The following SYT14 variants were observed in gnomAD, a reference collection of about 807,000 sequenced individuals.
The protein encoded by SYT14 is synaptotagmin-14.
In SYT14, 32 loss-of-function variants were observed where a neutral mutation model predicts 74.2. The ratio of observed to expected loss-of-function variants is 0.43; its 90% CI spans 0.33 to 0.58. The LOEUF (loss-of-function observed/expected upper bound fraction) is 0.58. Among genes scored for constraint, SYT14 ranks in the 20% least tolerant of loss-of-function variants. The pLI is 0.05. For missense variants in SYT14, 791 were observed against 981.8 expected (o/e 0.81, Z 2.60); for synonymous variants, 298 against 337.7 (o/e 0.88, Z 1.29).
At chr1:210,087,533 T>A (rs765853811) in intron 5 of SYT14, among the ~76,000 whole-genome samples, 3 of 152,170 alleles carry the variant, frequency 2.0e-5, no homozygotes, top group Non-Finnish European at 4.4e-5. Context: ...AGCTTCCTTA[T>A]CCTGCCAAGG....
intron 5 of SYT14, among the ~76,000 whole-genome samples, chr1:210,035,936 G>A (rs988560432): frequency 7.2e-5 from 11 of 151,968 alleles, no homozygotes; most frequent in Admixed American, 2.0e-4. Context: ...TTCTAATTCC[G>A]TGAAAAACGA....
At chr1:209,942,911 T>C (rs531414701) in intron 1 of SYT14, among the ~76,000 whole-genome samples, 1 of 152,286 alleles carries the variant, frequency 6.6e-6, no homozygotes, top group South Asian at 2.1e-4. Context: ...TATGTGTGTG[T>C]TTGTATATGT....
In SYT14 at chr1:210,130,315, A is replaced by T. The variant is rs1029500137; in HGVS notation, c.2035-25406A>T. Among the ~76,000 whole-genome samples, 3 of 152,252 alleles carry T rather than the reference A, an allele frequency of 2.0e-5. No individual in the cohort carries two copies. In the East Asian group the frequency reaches 5.8e-4, roughly 29 times the overall value. ...CTTAGTACATTTTGAGAGCAGAAAAAAACAAAAAACATTTTAAGATGGATT... is the reference window on the plus strand; with the variant it reads ...CTTAGTACATTTTGAGAGCAGAAAATAACAAAAAACATTTTAAGATGGATT... On this transcript the variant is annotated intron_variant, in intron 7 of 9. Coordinates refer to ENST00000637265, the Ensembl canonical transcript of SYT14.
intron 6 of SYT14, 135 bp from the exon 6 acceptor site, chr1:210,099,877 T>G: frequency 1.1e-6 from 1 of 869,770 alleles, no homozygotes; most frequent in Non-Finnish European, 1.8e-6. Flanking sequence ...TGTAGTTGAC[T>G]GTTAATTATT....
chr1:210,114,155 G>T (rs955941328), intron 7 of SYT14, among the ~76,000 whole-genome samples: 4 of 151,474 alleles, frequency 2.6e-5, no homozygotes. Context: ...GGGAGTGGCT[G>T]CCAGGCAAGC....
In SYT14 at chr1:210,083,203, G is replaced by A. The variant is rs144598365; in HGVS notation, c.1313-11119G>A. Among the ~76,000 whole-genome samples the A allele has an allele frequency of 1.4e-3, 210 of 152,200 alleles. 1 individual carries two copies. The highest frequency in any genetic ancestry group is 4.6e-3 in the African/African-American group (191 of 41,520). ...GATAGGGCCTCACTATCTTGGCCAG[G>A]CTGGTCTCAAACTCCTAACCTCAAG... On this transcript the variant is annotated intron_variant, in intron 5 of 9. Coordinates refer to ENST00000637265, the Ensembl canonical transcript of SYT14.
intron 5 of SYT14, among the ~76,000 whole-genome samples, chr1:210,063,412 C>T (rs2081241071): frequency 6.6e-6 from 1 of 151,498 alleles, no homozygotes; most frequent in Non-Finnish European, 1.5e-5. Context: ...TATTGTGTTC[C>T]AATTAATTTC....
chr1:210,124,751 C>A (rs2082532774), intron 7 of SYT14, among the ~76,000 whole-genome samples: 1 of 152,126 alleles, frequency 6.6e-6, no homozygotes, highest in African/African-American at 2.4e-5. Flanking sequence ...TATTTAATCC[C>A]CATTTTACAG....
chr1:210,154,405 C>G (rs2083228365), intron 7 of SYT14, among the ~76,000 whole-genome samples: 1 of 152,096 alleles, frequency 6.6e-6, no homozygotes, highest in Non-Finnish European at 1.5e-5. Flanking sequence ...TACATCCTGT[C>G]CATGGAAAAA....
chr1:210,156,005 A>G (rs2083261513), intron 8 of SYT14, 95 bp downstream of exon 7: 1 of 1,096,834 alleles, frequency 9.1e-7, no homozygotes, highest in Non-Finnish European at 1.4e-6. Flanking sequence ...GTCTTAACCA[A>G]TCAAAATGAA....
chr1:210,074,779 C>G (rs2081459842), intron 5 of SYT14, among the ~76,000 whole-genome samples: 1 of 152,186 alleles, frequency 6.6e-6, no homozygotes, highest in Non-Finnish European at 1.5e-5. Flanking sequence ...AGCATACAGA[C>G]TGGCAGGCTG....
At chr1:210,017,138 C>G in intron 4 of SYT14, 2 of 1,093,976 alleles carry the variant, frequency 1.8e-6, no homozygotes, top group Non-Finnish European at 2.2e-6. Flanking sequence ...ATTAAATTTT[C>G]TCTTGATTTT....
chr1:210,163,711 A>G (rs2083419388), exon 10 of SYT14: 1 of 453,538 alleles, frequency 2.2e-6, no homozygotes, highest in Non-Finnish European at 4.4e-6. Context: ...ATTACTCCCA[A>G]AAAGTTGTCT....
chr1:210,036,033 C>G (rs1004440664), intron 5 of SYT14, among the ~76,000 whole-genome samples: 1 of 151,928 alleles, frequency 6.6e-6, no homozygotes, highest in African/African-American at 2.4e-5. Flanking sequence ...CTTCCAATCC[C>G]TGAGCATGGG....
intron 8 of SYT14, 52 bp downstream of exon 7, chr1:210,155,962 T>C: frequency 6.5e-7 from 1 of 1,538,366 alleles, no homozygotes. Flanking sequence ...CTTTTGGGAC[T>C]CTCAGTATTA....
chr1:210,060,866 C>T (rs1216890477), intron 5 of SYT14, among the ~76,000 whole-genome samples: 1 of 151,966 alleles, frequency 6.6e-6, no homozygotes, highest in Admixed American at 6.6e-5. Context: ...TTACAGAATA[C>T]TTGGTGAATA....
intron 2 of SYT14, among the ~76,000 whole-genome samples, chr1:209,966,542 A>G (rs1013706141): frequency 2.6e-5 from 4 of 152,208 alleles, no homozygotes; most frequent in Non-Finnish European, 4.4e-5. Context: ...TTTTCAGTGT[A>G]TAAGTCTTAA....
intron 5 of SYT14, among the ~76,000 whole-genome samples, chr1:210,065,720 C>T (rs2081283084): frequency 6.6e-6 from 1 of 151,488 alleles, no homozygotes; most frequent in African/African-American, 2.4e-5. Flanking sequence ...ATTTGAAATA[C>T]TTTTTTAAAT....
intron 2 of SYT14, among the ~76,000 whole-genome samples, chr1:209,977,096 G>T (rs1471766864): frequency 1.3e-5 from 2 of 151,974 alleles, no homozygotes; most frequent in Non-Finnish European, 2.9e-5. Context: ...GAGCCTATGT[G>T]TGTCTCTGCA....
Sources: gnomAD v4.1 joint callset for allele counts (sites outside exome capture counted in the v4.1 genomes callset) on GRCh38, gnomAD v4.1.1 for gene constraint, MANE v1.5 for transcripts, NCBI Gene and HGNC (gene_info 2026-07-23, HGNC 2026-07-21) for gene names.